Variants in ZEB1 observed in about 807,000 individuals in gnomAD.
The protein encoded by ZEB1 is zinc finger E-box-binding homeobox 1.
ZEB1 carries 21 observed loss-of-function variants against 84.9 expected under a neutral mutation model. That is an observed-to-expected ratio of 0.25 (90% CI 0.18 to 0.36). The LOEUF (loss-of-function observed/expected upper bound fraction) is 0.36, where lower values mean the gene tolerates loss of function less well. ZEB1 is among the 10% of genes least tolerant of loss of function. ZEB1 has a pLI of 1.00. For missense variants in ZEB1, 1,104 were observed against 1,330.2 expected (o/e 0.83, Z 2.65); for synonymous variants, 420 against 471.1 (o/e 0.89, Z 1.41).
intron 1 of ZEB1, among the ~76,000 whole-genome samples, chr10:31,407,201 C>T (rs1049925479): frequency 1.3e-5 from 2 of 150,144 alleles, no homozygotes; most frequent in Admixed American, 6.6e-5. Flanking sequence ...CCCACTAACT[C>T]GTCATCTAGC....
At chr10:31,418,618 G>A (rs1365845524) in intron 1 of ZEB1, among the ~76,000 whole-genome samples, 1 of 152,096 alleles carries the variant, frequency 6.6e-6, no homozygotes, top group Non-Finnish European at 1.5e-5. Flanking sequence ...TGGTAGAAGT[G>A]TTAGTTTCCT....
intron 1 of ZEB1, among the ~76,000 whole-genome samples, chr10:31,428,345 T>C (rs2057256218): frequency 6.6e-6 from 1 of 152,246 alleles, no homozygotes; most frequent in Non-Finnish European, 1.5e-5. Context: ...AGGAGTAGGT[T>C]ATTCAGTTTC....
intron 1 of ZEB1, chr10:31,362,817 A>G (rs538016892): frequency 3.4e-6 from 3 of 875,502 alleles, no homozygotes; most frequent in Non-Finnish European, 5.5e-6. Flanking sequence ...ATGAGCCACC[A>G]CGCCTGCCCT....
At chr10:31,410,419 A>C (rs2054017311) in intron 1 of ZEB1, among the ~76,000 whole-genome samples, 1 of 152,150 alleles carries the variant, frequency 6.6e-6, no homozygotes, top group South Asian at 2.1e-4. Flanking sequence ...TATTTTATTG[A>C]GGATTTTTGC....
chr10:31,517,709 G>A (rs917618051), intron 6 of ZEB1, among the ~76,000 whole-genome samples: 1 of 152,044 alleles, frequency 6.6e-6, no homozygotes, highest in African/African-American at 2.4e-5. Context: ...AATAATTGTT[G>A]TGTAAACTTT....
At chr10:31,498,783 A>T (rs1413747335) in intron 3 of ZEB1, among the ~76,000 whole-genome samples, 1 of 151,998 alleles carries the variant, frequency 6.6e-6, no homozygotes, top group Non-Finnish European at 1.5e-5. Flanking sequence ...ATGCTCTTTA[A>T]GAAATGTTGT....
chr10:31,432,657 T>C (rs2057859021), intron 1 of ZEB1, among the ~76,000 whole-genome samples: 1 of 152,218 alleles, frequency 6.6e-6, no homozygotes, highest in Admixed American at 6.5e-5. Flanking sequence ...AATTCTACAA[T>C]TCTCAAAAGA....
intron 1 of ZEB1, among the ~76,000 whole-genome samples, chr10:31,348,259 G>A (rs2040676576): frequency 6.6e-6 from 1 of 152,106 alleles, no homozygotes; most frequent in Non-Finnish European, 1.5e-5. Context: ...TTGCTCTTCT[G>A]GTTTTTTTAA....
chr10:31,481,643 G>C (rs2065056847), intron 2 of ZEB1, among the ~76,000 whole-genome samples: 1 of 151,922 alleles, frequency 6.6e-6, no homozygotes, highest in Non-Finnish European at 1.5e-5. Flanking sequence ...GGGCAACTTA[G>C]CAAGACTCCA....
At chr10:31,491,054 C>T (rs1271865541) in intron 2 of ZEB1, among the ~76,000 whole-genome samples, 2 of 151,700 alleles carry the variant, frequency 1.3e-5, no homozygotes, top group South Asian at 2.1e-4. Flanking sequence ...ATCAGATTCA[C>T]ACATGAGAAG....
At chr10:31,363,970 A>G (rs2043923457) in intron 1 of ZEB1, 2 of 1,293,774 alleles carry the variant, frequency 1.5e-6, no homozygotes, top group East Asian at 8.1e-5. Context: ...GGCCTCACGG[A>G]CAAGACGAGC....
chr10:31,440,481 C>G (rs1313766036), intron 1 of ZEB1, among the ~76,000 whole-genome samples: 1 of 152,100 alleles, frequency 6.6e-6, no homozygotes, highest in Non-Finnish European at 1.5e-5. Flanking sequence ...GGAGCATTCC[C>G]TTTGAAAACT....
In ZEB1 at chr10:31,484,643, G is replaced by A. The variant is rs76734822; in HGVS notation, c.260-11133G>A. 9.7e-4 allele frequency among the ~76,000 whole-genome samples: 148 copies of A among 152,010 alleles called. 5 individuals are homozygous for A. The East Asian group carries it at 0.027, about 28-fold the overall frequency. On this transcript the variant is annotated intron_variant, in intron 2 of 8. Transcript: ENST00000424869. Reference sequence around the variant, plus strand: ...TTCGGATATTTTACTTAACTGATTAGGGTCAAAATGTTTAGCAAGCCTATA... The same window carrying A: ...TTCGGATATTTTACTTAACTGATTAAGGTCAAAATGTTTAGCAAGCCTATA...
chr10:31,332,714 T>C (rs1033107474), intron 1 of ZEB1, among the ~76,000 whole-genome samples: 25 of 152,188 alleles, frequency 1.6e-4, no homozygotes, highest in Admixed American at 1.6e-3. Flanking sequence ...AGTGCCTTTT[T>C]TTAGACCAGC....
intron 1 of ZEB1, among the ~76,000 whole-genome samples, chr10:31,325,353 GC>G (rs1285659468): frequency 6.6e-6 from 1 of 152,010 alleles, no homozygotes; most frequent in Non-Finnish European, 1.5e-5. Context: ...GAAACTTTAA[GC>G]TTTTTTCATT....
At chr10:31,501,860 T>G (rs1008336818) in intron 3 of ZEB1, among the ~76,000 whole-genome samples, 1 of 152,210 alleles carries the variant, frequency 6.6e-6, no homozygotes, top group African/African-American at 2.4e-5. Context: ...CTTCTTGTAC[T>G]GTATTCACCT....
intron 7 of ZEB1, 116 bp downstream of exon 7, chr10:31,522,052 C>A: frequency 6.8e-7 from 1 of 1,460,634 alleles, no homozygotes. Context: ...TACAAACTGT[C>A]ATTTTTAAAA....
intron 1 of ZEB1, among the ~76,000 whole-genome samples, chr10:31,412,453 C>A (rs191663441): frequency 6.6e-6 from 1 of 152,100 alleles, no homozygotes; most frequent in Admixed American, 6.5e-5. Flanking sequence ...TGTTCCCCTT[C>A]CTGTGTCCAA....
intron 1 of ZEB1, among the ~76,000 whole-genome samples, chr10:31,459,512 A>T (rs2061588869): frequency 6.6e-6 from 1 of 152,094 alleles, no homozygotes; most frequent in Admixed American, 6.6e-5. Context: ...TACTAACTTT[A>T]CATGTTTTGC....
Sources: gnomAD v4.1 joint callset for allele counts (sites outside exome capture counted in the v4.1 genomes callset) on GRCh38, gnomAD v4.1.1 for gene constraint, MANE v1.5 for transcripts, NCBI Gene and HGNC (gene_info 2026-07-23, HGNC 2026-07-21) for gene names.